MCM6: variants seen among roughly 807,000 people sequenced by gnomAD.
MCM6 encodes DNA replication licensing factor MCM6.
Under a neutral mutation model 94.3 loss-of-function variants are expected in MCM6, and 46 were observed. The observed-to-expected ratio is 0.49, with a 90% CI of 0.39 to 0.62. The LOEUF (loss-of-function observed/expected upper bound fraction) is 0.62. Ranked by LOEUF, MCM6 falls within the 20% of genes least tolerant of loss-of-function variation. The pLI is 0.00. For synonymous variants in MCM6, 335 were observed against 351.9 expected, an observed-to-expected ratio of 0.95 and a Z score of 0.54; for missense variants, 865 against 1,017.9, an observed-to-expected ratio of 0.85 and a Z score of 2.04.
rs1291462092 is a variant in MCM6, at chr2:135,859,328, C to A, written c.1335G>T (p.Glu445Asp). 6.2e-7 allele frequency: 1 copy of A among 1,613,634 alleles called. No individual in the cohort carries two copies. The highest frequency in any genetic ancestry group is 2.2e-5 in the East Asian group (1 of 44,886). ...TATCAGCCAACATCAAAGCTCCAGC[C>A]TCAATGACAAACTCATGAGATTCTT... ...RDEESHEFVI[E>D]AGALMLADNG... Residue 445 changes from glutamate (E) to aspartate (D), a missense_variant, in exon 9 of 17, where the codon GAG (glutamate) becomes GAT (aspartate). By Grantham distance (45) the Glu-to-Asp change is conservative. Around this residue, in one of 3 missense-constraint regions of MCM6, gnomAD observed 153 missense variants for 241.5 expected, o/e 0.63. Coordinates refer to ENST00000264156, the MANE Select transcript of MCM6 (RefSeq NM_005915.6).
chr2:135,855,438 G>C (rs1225365087), intron 11 of MCM6, among the ~76,000 whole-genome samples: 1 of 152,176 alleles, frequency 6.6e-6, no homozygotes, highest in Non-Finnish European at 1.5e-5. Context: ...GGCTGAGGTG[G>C]TAAGGTGGTT....
chr2:135,863,952 A>T (rs938789955), intron 7 of MCM6, among the ~76,000 whole-genome samples: 4 of 152,112 alleles, frequency 2.6e-5, no homozygotes, highest in Admixed American at 2.6e-4. Flanking sequence ...CTCTACTAAA[A>T]ATACAAAAAT....
Position 135,866,114 on chromosome 2 carries a change from A to C in MCM6, c.927+18T>G. The C allele has an allele frequency of 1.2e-6, 2 of 1,611,572 alleles. No individual in the cohort carries two copies. Among genetic ancestry groups the C allele is most frequent in the Non-Finnish European group, 8.5e-7 (1 of 1,179,214 alleles). On this transcript the variant is annotated intron_variant, in intron 6 of 16. Coordinates refer to ENST00000264156, the MANE Select transcript of MCM6 (RefSeq NM_005915.6). ...GAGACTGTTTCAAAAACAAACAAAAACCCCCAAAACGACTGACCCTTGGGT... is the reference window on the plus strand; with the variant it reads ...GAGACTGTTTCAAAAACAAACAAAACCCCCCAAAACGACTGACCCTTGGGT...
At chr2:135,865,363 C>G (rs550547920) in intron 6 of MCM6, among the ~76,000 whole-genome samples, 200 bp from the exon 7 acceptor site, 23 of 152,136 alleles carry the variant, frequency 1.5e-4, no homozygotes, top group Admixed American at 1.5e-3. Flanking sequence ...TGTCATTTGT[C>G]CAGTGAGTTA....
At position 135,840,651 on chromosome 2, in the gene MCM6, G is replaced by GT; in HGVS notation, c.*183dup. On this transcript the variant is annotated 3_prime_UTR_variant, in exon 17 of 17. Transcript: ENST00000264156. The stretch of plus-strand genomic sequence containing the variant: ...CACCAAAGGAAGTGCTGAAGCCTGT[G>GT]TTGGTATGAAACCTGTGATGAATGT... The GT allele has an allele frequency of 1.8e-6, 1 of 566,232 alleles. No individual in the cohort carries two copies. The highest frequency in any genetic ancestry group is 3.2e-6 in the Non-Finnish European group (1 of 316,096). 35.1% of individuals were successfully genotyped at this position (566,232 alleles called of 1,614,324 possible).
chr2:135,841,825 C>T (rs934695454), intron 16 of MCM6, among the ~76,000 whole-genome samples: 1 of 152,140 alleles, frequency 6.6e-6, no homozygotes, highest in African/African-American at 2.4e-5. Flanking sequence ...GTAATCCAGG[C>T]TGAGCGCAGT....
chr2:135,861,688 C>G (rs1448830836), intron 8 of MCM6, among the ~76,000 whole-genome samples: 1 of 152,188 alleles, frequency 6.6e-6, no homozygotes, highest in African/African-American at 2.4e-5. Flanking sequence ...TCTCGGCTCA[C>G]TGCAAGCTCC....
chr2:135,848,747 TG>T (rs1679714411), intron 13 of MCM6, among the ~76,000 whole-genome samples: 1 of 152,082 alleles, frequency 6.6e-6, no homozygotes, highest in Admixed American at 6.6e-5. Context: ...TAGCTGGGCA[TG>T]GTGGCACATG....
At position 135,876,366 on chromosome 2, in the gene MCM6, A is replaced by T; in HGVS notation, c.-1T>A. 6.2e-7 allele frequency: 1 copy of T among 1,603,536 alleles called. No homozygotes were observed. The highest frequency in any genetic ancestry group is 1.1e-5 in the South Asian group (1 of 90,514). On this transcript the variant is annotated 5_prime_UTR_variant, in exon 1 of 17. Coordinates refer to ENST00000264156, the MANE Select transcript of MCM6 (RefSeq NM_005915.6). ...GCTCCGCTGCCGCCGCGAGGTCCAT[A>T]TTTGCTTAGTGCCGAGGATTCGCCT...
Position 135,870,284 on chromosome 2 carries a change from TA to T in MCM6, c.331del (p.Tyr111MetfsTer42). On this transcript the variant is annotated frameshift_variant, in exon 3 of 17. Coordinates refer to ENST00000264156, the MANE Select transcript of MCM6 (RefSeq NM_005915.6). LOFTEE classifies it high-confidence loss of function. Reference protein sequence around the residue: ...RKEIPLAKDFYVAFQDLPTRH... With the variant: ...RKEIPLAKDFXVAFQDLPTRH... The stretch of plus-strand genomic sequence containing the variant: ...GGTAGGCAGGTCTTGGAATGCAACA[TA>T]AAAATCCTTGGCAAGAGGGATCTCT... The T allele has an allele frequency of 6.2e-7, 1 of 1,613,986 alleles. No homozygotes were observed. The highest frequency in any genetic ancestry group is 8.5e-7 in the Non-Finnish European group (1 of 1,179,878).
chr2:135,875,659 A>AG (rs1418213342), intron 1 of MCM6, among the ~76,000 whole-genome samples: 1 of 152,288 alleles, frequency 6.6e-6, no homozygotes, highest in East Asian at 1.9e-4. Flanking sequence ...GAGAAAGGAA[A>AG]GGAAGGCCAG....
intron 8 of MCM6, among the ~76,000 whole-genome samples, chr2:135,860,536 G>C (rs2105584701): frequency 6.6e-6 from 1 of 152,228 alleles, no homozygotes; most frequent in South Asian, 2.1e-4. Flanking sequence ...ACTAGATATG[G>C]GGCTTATTCC....
chr2:135,847,288 G>A (rs1679688271), intron 14 of MCM6, among the ~76,000 whole-genome samples: 1 of 152,060 alleles, frequency 6.6e-6, no homozygotes, highest in South Asian at 2.1e-4. Context: ...GTGGTGGCGT[G>A]GGCATATGTC....
intron 2 of MCM6, among the ~76,000 whole-genome samples, chr2:135,872,395 C>T (rs1405953407): frequency 6.6e-6 from 1 of 152,080 alleles, no homozygotes; most frequent in African/African-American, 2.4e-5. Flanking sequence ...TTGCAGTGAG[C>T]CAAGATCGCG....
intron 16 of MCM6, 115 bp downstream of exon 16, chr2:135,844,430 C>T: frequency 4.7e-6 from 4 of 857,858 alleles, no homozygotes; most frequent in Non-Finnish European, 6.6e-6. Flanking sequence ...TCTGACTACA[C>T]TCCAATGATT....
Position 135,865,072 on chromosome 2 carries a change from A to G in MCM6, c.1019T>C (p.Met340Thr). The part of the protein sequence containing the change: ...TVKEWEKVFE[M>T]SQDKNLYHNL... The stretch of plus-strand genomic sequence containing the variant: ...GTGGTATAGATTTTTATCTTGACTC[A>G]TCTCAAACACTTTCTCCCATTCTTT... Residue 340 changes from methionine to threonine, a missense_variant, in exon 7 of 17, where the codon ATG (methionine) becomes ACG (threonine). Transcript: ENST00000264156. 6.3e-7 allele frequency: 1 copy of G among 1,577,018 alleles called. No individual in the cohort carries two copies. Among genetic ancestry groups the G allele is most frequent in the Non-Finnish European group, 8.6e-7 (1 of 1,161,850 alleles).
At chr2:135,873,872 C>T (rs1046560246) in intron 1 of MCM6, among the ~76,000 whole-genome samples, 6 of 152,264 alleles carry the variant, frequency 3.9e-5, no homozygotes, top group South Asian at 2.1e-4. Context: ...TAAAAGGTGG[C>T]GTTGGAATTC....
chr2:135,855,358 GAACCAAACCA>G (rs4988223), intron 11 of MCM6, among the ~76,000 whole-genome samples: 6 of 151,968 alleles, frequency 3.9e-5, no homozygotes, highest in South Asian at 2.1e-4. Flanking sequence ...GAAAAAAAGT[GAACCAAACCA>G]AACCAAACCA....
rs149112299 is a variant in MCM6, at chr2:135,853,289, A to G, written c.1627-374T>C. Among the ~76,000 whole-genome samples the G allele has an allele frequency of 3.7e-4, 57 of 152,260 alleles. 2 individuals are homozygous for G. In the East Asian group the frequency reaches 0.011, roughly 29 times the overall value. Reference sequence around the variant, plus strand: ...AACTGAGACCCTCCCTGTCTCTACAAAAAAACTAGCTGGGCATGGTGGTGC... The same window carrying G: ...AACTGAGACCCTCCCTGTCTCTACAGAAAAACTAGCTGGGCATGGTGGTGC... On this transcript the variant is annotated intron_variant, in intron 11 of 16. Transcript: ENST00000264156.
Sources: gnomAD v4.1 joint callset for allele counts (sites outside exome capture counted in the v4.1 genomes callset) on GRCh38, gnomAD v4.1.1 for gene constraint, gnomAD v4.1.1 regional missense constraint, MANE v1.5 for transcripts, NCBI Gene and HGNC (gene_info 2026-07-23, HGNC 2026-07-21) for gene names.